The following DEK variants were observed in gnomAD, a reference collection of about 807,000 sequenced individuals.
DEK encodes protein DEK.
Under a neutral mutation model 46.8 loss-of-function variants are expected in DEK, and 28 were observed. The observed-to-expected ratio is 0.60, with a 90% CI of 0.44 to 0.82. DEK has a LOEUF of 0.82. Ranked by LOEUF, DEK falls within the 40% of genes least tolerant of loss-of-function variation. The pLI is 0.00. For synonymous variants in DEK, 160 were observed against 144.5 expected (o/e 1.11, Z -0.77); for missense variants, 416 against 430.6 (o/e 0.97, Z 0.30).
intron 6 of DEK, 36 bp from the exon 7 acceptor site, chr6:18,249,875 T>A (rs746143497): frequency 1.3e-6 from 2 of 1,537,822 alleles, no homozygotes; most frequent in African/African-American, 2.8e-5. Context: ...ACCAATGAGG[T>A]ATAATATTTC....
intron 8 of DEK, 79 bp downstream of exon 8, chr6:18,237,302 A>G (rs1040034561): frequency 3.4e-6 from 5 of 1,465,956 alleles, no homozygotes; most frequent in Non-Finnish European, 4.5e-6. Context: ...TGTTTCTCCC[A>G]CACACTTAAA....
At chr6:18,251,951 CGAG>C (rs1485931612) in intron 6 of DEK, among the ~76,000 whole-genome samples, 1 of 151,664 alleles carries the variant, frequency 6.6e-6, no homozygotes, top group Non-Finnish European at 1.5e-5. Flanking sequence ...CAAAAGTAAA[CGAG>C]GAGTTTTAAA....
At chr6:18,231,250 C>G (rs1790400573) in intron 9 of DEK, among the ~76,000 whole-genome samples, 1 of 152,070 alleles carries the variant, frequency 6.6e-6, no homozygotes, top group African/African-American at 2.4e-5. Context: ...GCACTAAATG[C>G]CCACAGGAGA....
intron 6 of DEK, among the ~76,000 whole-genome samples, chr6:18,250,089 C>T (rs1429873264): frequency 6.6e-6 from 1 of 152,206 alleles, no homozygotes; most frequent in Non-Finnish European, 1.5e-5. Context: ...TAGGTTCTGA[C>T]ATGGGACTAG....
chr6:18,225,603 CTA>C lies in DEK; in HGVS notation c.*114_*115del. 1 of 1,203,384 alleles carries C rather than the reference CTA, an allele frequency of 8.3e-7. No individual in the cohort carries two copies. The highest frequency in any genetic ancestry group is 1.5e-5 in the African/African-American group (1 of 64,858). The allele number at this position is 1,203,384 out of a possible 1,614,324, so 74.5% of individuals were successfully genotyped here. A position where few individuals can be genotyped will look rare whatever the true frequency, so the allele number is the denominator to read the frequency against. ...AAGATAAAAAGGTCAGCAGTAAGTT[CTA>C]CTAACGTTGCTTAACAAGGATTTAG... On this transcript the variant is annotated 3_prime_UTR_variant, in exon 11 of 11. Coordinates refer to ENST00000652689, the MANE Select transcript of DEK (RefSeq NM_003472.4).
Position 18,237,500 on chromosome 6 carries a change from G to A in DEK, c.779C>T (p.Ala260Val). The change falls in exon 8 of 11, where the codon GCC becomes GTC. Residue 260 changes from alanine to valine, a missense_variant. Physicochemically the swap from Ala to Val is moderately conservative, Grantham distance 64. Coordinates refer to ENST00000652689, the MANE Select transcript of DEK (RefSeq NM_003472.4). ...TTTCTGTTTAGGTTTTTCTCTTTTG[G>A]CTGTCTTTTTTGGTGGCTGTTACAA... is the stretch of plus-strand genomic sequence containing the variant. ...ESEEEPPKKT[A>V]KREKPKQKAT... is the part of the protein sequence containing the mutation. 1 of 1,597,716 alleles carries A rather than the reference G, an allele frequency of 6.3e-7. No homozygotes were observed.
At chr6:18,250,826 T>A (rs1188157962) in intron 6 of DEK, among the ~76,000 whole-genome samples, 2 of 152,080 alleles carry the variant, frequency 1.3e-5, no homozygotes, top group Non-Finnish European at 2.9e-5. Context: ...TATTACCAAT[T>A]ATACATCCTG....
intron 6 of DEK, among the ~76,000 whole-genome samples, chr6:18,253,335 T>C (rs1791473348): frequency 6.6e-6 from 1 of 152,222 alleles, no homozygotes; most frequent in African/African-American, 2.4e-5. Flanking sequence ...ACGTTATGAT[T>C]TCAAGTGGGA....
chr6:18,231,341 T>C lies in DEK; in HGVS notation c.1048-5099A>G, dbSNP rs896553514. ...AGCAAGAGCAAACACATTCAAAAGC[T>C]AGCAGAAGGCAAGAAATAACTAAGA... On this transcript the variant is annotated intron_variant, in intron 9 of 10. Transcript: ENST00000652689. Among the ~76,000 whole-genome samples, 5 of 152,006 alleles carry C rather than the reference T, an allele frequency of 3.3e-5. No homozygotes were observed. In the South Asian group the frequency reaches 6.2e-4, roughly 19 times the overall value.
chr6:18,250,232 C>T lies in DEK; in HGVS notation c.574-393G>A, dbSNP rs559432569. Among the ~76,000 whole-genome samples the T allele has an allele frequency of 6.6e-5, 10 of 152,166 alleles. No individual in the cohort carries two copies. The South Asian group carries it at 1.7e-3, about 25-fold the overall frequency. On this transcript the variant is annotated intron_variant, in intron 6 of 10. Coordinates refer to ENST00000652689, the MANE Select transcript of DEK (RefSeq NM_003472.4). ...TCACTGCCAACCCAGCACTTTGGGA[C>T]GCCGAGGCGGGCAGATCATGAGGTC...
chr6:18,236,589 C>G lies in DEK; in HGVS notation c.910G>C (p.Glu304Gln). The G allele has an allele frequency of 6.6e-7, 1 of 1,520,794 alleles. No homozygotes were observed. Among genetic ancestry groups the G allele is most frequent in the Non-Finnish European group, 8.8e-7 (1 of 1,142,300 alleles). 94.2% of individuals were successfully genotyped at this position (1,520,794 alleles called of 1,614,324 possible). A position where few individuals can be genotyped will look rare whatever the true frequency, so the allele number is the denominator to read the frequency against. ...QNSSKKESES[E>Q]DSSDDEPLIK... ...AAAGGTTCATCATCTGAACTATCCT[C>G]AGACTCACTTTCTAAAAGTAATATA... is the stretch of plus-strand genomic sequence containing the variant. The change falls in exon 9 of 11, where the codon GAG becomes CAG. Residue 304 changes from glutamate (E) to glutamine (Q), a missense_variant. By Grantham distance (29) the Glu-to-Gln change is conservative. Transcript: ENST00000652689.
chr6:18,241,806 T>C (rs1158361708), intron 7 of DEK, among the ~76,000 whole-genome samples: 8 of 152,232 alleles, frequency 5.3e-5, no homozygotes, highest in Non-Finnish European at 2.9e-5. Context: ...GCTTGAGGGC[T>C]GTATAAAAAC....
At chr6:18,263,682 C>T (rs1270578118) in intron 2 of DEK, among the ~76,000 whole-genome samples, 161 bp downstream of exon 2, 1 of 152,206 alleles carries the variant, frequency 6.6e-6, no homozygotes, top group Non-Finnish European at 1.5e-5. Context: ...TACGCCATCG[C>T]TCAAAACAAA....
In DEK at chr6:18,257,956, G is replaced by A; in HGVS notation, c.354C>T (p.Gly118=). 6.3e-7 allele frequency: 1 copy of A among 1,599,710 alleles called. No homozygotes were observed. Among genetic ancestry groups the A allele is most frequent in the Non-Finnish European group, 8.5e-7 (1 of 1,174,960 alleles). ...NLHKLLYNRP[G]TVSSLKKNVG... ...TTAAAGTGTAAAAAGGTCTTACAGT[G>A]CCTGGCCTGTTGTAAAGCAGTTTGT... Residue 118 remains glycine, a synonymous_variant, in exon 4 of 11, where the codon GGC becomes GGT. Transcript: ENST00000652689.
At chr6:18,242,445 C>T (rs1409196503) in intron 7 of DEK, among the ~76,000 whole-genome samples, 1 of 152,142 alleles carries the variant, frequency 6.6e-6, no homozygotes, top group Non-Finnish European at 1.5e-5. Flanking sequence ...CTGTTGTCAA[C>T]CATAGTCTGA....
At chr6:18,247,282 G>T (rs1465014220) in intron 7 of DEK, among the ~76,000 whole-genome samples, 1 of 152,070 alleles carries the variant, frequency 6.6e-6, no homozygotes, top group East Asian at 1.9e-4. Flanking sequence ...GAAAAAAAAG[G>T]GGGGGAAACA....
intron 7 of DEK, among the ~76,000 whole-genome samples, chr6:18,241,298 G>C (rs1273867026): frequency 6.6e-6 from 1 of 152,070 alleles, no homozygotes; most frequent in Non-Finnish European, 1.5e-5. Context: ...GGAGGTAACA[G>C]AAAAAAACAC....
chr6:18,231,869 C>A (rs1437845209), intron 9 of DEK, among the ~76,000 whole-genome samples: 2 of 152,174 alleles, frequency 1.3e-5, no homozygotes, highest in East Asian at 3.9e-4. Context: ...TTTTATGAGG[C>A]CACCATCATC....
At chr6:18,239,339 T>TTTG (rs1491469840) in intron 7 of DEK, among the ~76,000 whole-genome samples, 29 of 41,126 alleles carry the variant, frequency 7.1e-4, no homozygotes, top group African/African-American at 6.7e-3. Flanking sequence ...TTTTAGTGTC[T>TTTG]TTTTTTTTTT....
Sources: gnomAD v4.1 joint callset for allele counts (sites outside exome capture counted in the v4.1 genomes callset) on GRCh38, gnomAD v4.1.1 for gene constraint, MANE v1.5 for transcripts, NCBI Gene and HGNC (gene_info 2026-07-23, HGNC 2026-07-21) for gene names.